The following FAT3 variants were observed in gnomAD, a reference collection of about 807,000 sequenced individuals.
FAT3 encodes the protein FAT atypical cadherin 3.
Under a neutral mutation model 310.2 loss-of-function variants are expected in FAT3, and 95 were observed. The ratio of observed to expected loss-of-function variants is 0.31; its 90% CI spans 0.26 to 0.36. FAT3 has a LOEUF of 0.36. Among genes scored for constraint, FAT3 ranks in the 10% least tolerant of loss-of-function variants. FAT3 has a pLI of 1.00. For missense variants in FAT3, 5,408 were observed against 5,715.6 expected (o/e 0.95, Z 1.74); for synonymous variants, 2,314 against 2,192.9 (o/e 1.06, Z -1.54).
chr11:92,278,850 C>T (rs921342589), intron 1 of FAT3, among the ~76,000 whole-genome samples: 1 of 152,126 alleles, frequency 6.6e-6, no homozygotes, highest in African/African-American at 2.4e-5. Context: ...ACCAGCCCAT[C>T]TCAGGAGACA....
At chr11:92,864,849 A>G (rs7105716) in intron 21 of FAT3, among the ~76,000 whole-genome samples, 9,850 of 152,270 alleles carry the variant, frequency 0.065, 1,073 homozygotes, top group African/African-American at 0.22. Context: ...ATTACACTTG[A>G]AAGCTCTCAG....
In FAT3 at chr11:92,890,741, G is replaced by A. The variant is rs1453943086; in HGVS notation, c.13398G>A (p.Leu4466=). 1.9e-6 allele frequency: 3 copies of A among 1,613,608 alleles called. No homozygotes were observed. In the African/African-American group the frequency reaches 4.0e-5, roughly 22 times the overall value. Residue 4466 remains leucine, a synonymous_variant, in exon 28 of 28, where the codon CTG becomes CTA. Coordinates refer to ENST00000525166, the MANE Select transcript of FAT3 (RefSeq NM_001367949.2). ...ACTTCCCAGACCAATATGAGGCCCT[G>A]CCACCCTCCCAGCCTGTCTCCCTGG... ...PEDFPDQYEA[L]PPSQPVSLAS...
chr11:92,404,073 G>T (rs953712124), intron 2 of FAT3, among the ~76,000 whole-genome samples: 1 of 151,510 alleles, frequency 6.6e-6, no homozygotes, highest in Non-Finnish European at 1.5e-5. Context: ...AGGAGGGAGG[G>T]AGGGAAAAGT....
At position 92,441,608 on chromosome 11, in the gene FAT3, G is replaced by A. The variant is rs530525458; in HGVS notation, c.3293-83026G>A. Among the ~76,000 whole-genome samples, 88 of 152,112 alleles carry A rather than the reference G, an allele frequency of 5.8e-4. 1 individual carries two copies. The highest frequency in any genetic ancestry group is 6.8e-3 in the Middle Eastern group (2 of 294). ...TTTCATTGCTCTCTATCAATACCTG[G>A]AGAATCTGCTGTCTGTCCCACTGAT... On this transcript the variant is annotated intron_variant, in intron 2 of 27. Coordinates refer to ENST00000525166, the MANE Select transcript of FAT3 (RefSeq NM_001367949.2).
intron 1 of FAT3, among the ~76,000 whole-genome samples, chr11:92,320,008 G>A (rs528641312): frequency 6.6e-6 from 1 of 152,168 alleles, no homozygotes; most frequent in Admixed American, 6.5e-5. Context: ...ATTTGCTAGT[G>A]TGCATTGTGA....
At chr11:92,570,290 G>T (rs1042512566) in intron 3 of FAT3, among the ~76,000 whole-genome samples, 2 of 152,160 alleles carry the variant, frequency 1.3e-5, no homozygotes, top group Non-Finnish European at 2.9e-5. Context: ...TTGAAGACAA[G>T]CCAGTCCTTG....
At chr11:92,342,894 C>T (rs577538572) in intron 1 of FAT3, among the ~76,000 whole-genome samples, 24 of 151,434 alleles carry the variant, frequency 1.6e-4, no homozygotes, top group African/African-American at 5.8e-4. Context: ...TTTTTTTTCT[C>T]TTATACCATG....
At chr11:92,661,536 G>A (rs1292879646) in intron 3 of FAT3, among the ~76,000 whole-genome samples, 1 of 151,386 alleles carries the variant, frequency 6.6e-6, no homozygotes, top group Non-Finnish European at 1.5e-5. Context: ...TAACGGATGG[G>A]CATTAATGTG....
intron 17 of FAT3, among the ~76,000 whole-genome samples, chr11:92,838,620 A>G (rs1948463670): frequency 6.6e-6 from 1 of 152,218 alleles, no homozygotes; most frequent in African/African-American, 2.4e-5. Flanking sequence ...GGAGGGCCAC[A>G]GGTATTCTAG....
intron 4 of FAT3, among the ~76,000 whole-genome samples, chr11:92,708,558 A>C (rs1944428698): frequency 6.6e-6 from 1 of 152,236 alleles, no homozygotes; most frequent in Non-Finnish European, 1.5e-5. Flanking sequence ...AGTGTTTAAT[A>C]TGTTAGCTAT....
chr11:92,634,914 C>A (rs977490338), intron 3 of FAT3, among the ~76,000 whole-genome samples: 1 of 152,130 alleles, frequency 6.6e-6, no homozygotes, highest in Non-Finnish European at 1.5e-5. Flanking sequence ...TAGGAGGAGA[C>A]CACACAGCGT....
chr11:92,706,063 G>C (rs1351747801), intron 4 of FAT3, among the ~76,000 whole-genome samples: 7 of 151,184 alleles, frequency 4.6e-5, no homozygotes, highest in Non-Finnish European at 7.4e-5. Context: ...GATGAGGGTG[G>C]TAGTGACGAC....
chr11:92,252,124 G>T (rs1865163543), intron 1 of FAT3, among the ~76,000 whole-genome samples: 1 of 152,140 alleles, frequency 6.6e-6, no homozygotes, highest in Admixed American at 6.6e-5. Flanking sequence ...GTTAAGAAAT[G>T]TGTGAGGAAT....
Position 92,354,278 on chromosome 11 carries a change from A to C in FAT3, c.2166A>C (p.Gly722=). The change falls in exon 2 of 28, where the codon GGA becomes GGC. Residue 722 remains glycine (G), a synonymous_variant. Transcript: ENST00000525166. ...FLDFYSINRQ[G]PYFDKSFPSD... Reference sequence around the variant, plus strand: ...ACTTTTATTCAATTAATAGACAGGGACCATATTTTGACAAGTCTTTTCCTT... The same window carrying C: ...ACTTTTATTCAATTAATAGACAGGGCCCATATTTTGACAAGTCTTTTCCTT... 1 of 1,613,716 alleles carries C rather than the reference A, an allele frequency of 6.2e-7. No homozygotes were observed.
intron 1 of FAT3, among the ~76,000 whole-genome samples, chr11:92,290,965 G>A (rs1946673958): frequency 6.6e-6 from 1 of 151,908 alleles, no homozygotes; most frequent in Non-Finnish European, 1.5e-5. Context: ...AAAGGCTTGA[G>A]TTTGCAAATA....
In FAT3 at chr11:92,564,519, G is replaced by A. The variant is rs185178424; in HGVS notation, c.3607+39571G>A. 3.8e-3 allele frequency among the ~76,000 whole-genome samples: 572 copies of A among 151,798 alleles called. 3 individuals carry two copies. The highest frequency in any genetic ancestry group is 6.0e-3 in the Non-Finnish European group (409 of 67,966). ...CAAGGATACCCAGGAATTGAACTCA[G>A]CTCTGCACCAAGTTGACCTAATAGA... On this transcript the variant is annotated intron_variant, in intron 3 of 27. Transcript: ENST00000525166.
chr11:92,894,754 A>G lies in FAT3; in HGVS notation c.*3641A>G, dbSNP rs1460430699. The G allele has an allele frequency of 6.6e-6, 1 of 152,232 alleles. No individual in the cohort carries two copies. Among genetic ancestry groups the G allele is most frequent in the East Asian group, 1.9e-4 (1 of 5,190 alleles). The allele number at this position is 152,232 out of a possible 1,614,324, so 9.4% of individuals were successfully genotyped here. ...TGAAATGCCATATAAAAGACTTAGGAACATGAGTAGGTGGTCCATGCTTTG... is the reference window on the plus strand; with the variant it reads ...TGAAATGCCATATAAAAGACTTAGGGACATGAGTAGGTGGTCCATGCTTTG... On this transcript the variant is annotated 3_prime_UTR_variant, in exon 28 of 28. Transcript: ENST00000525166.
At chr11:92,406,565 C>T (rs190381777) in intron 2 of FAT3, 1 of 152,276 alleles carries the variant, frequency 6.6e-6, no homozygotes, top group Admixed American at 6.5e-5. Context: ...TTCTCCTCTC[C>T]CTGAACTAAT....
intron 3 of FAT3, among the ~76,000 whole-genome samples, chr11:92,659,688 A>T (rs186794904): frequency 7.7e-4 from 117 of 152,300 alleles, no homozygotes; most frequent in Non-Finnish European, 2.4e-4. Context: ...CTAGAGCATA[A>T]AAGAAAAAGG....
Sources: gnomAD v4.1 joint callset for allele counts (sites outside exome capture counted in the v4.1 genomes callset) on GRCh38, gnomAD v4.1.1 for gene constraint, MANE v1.5 for transcripts, NCBI Gene and HGNC (gene_info 2026-07-23, HGNC 2026-07-21) for gene names.